The following CNKSR2 variants were observed in gnomAD, a reference collection of about 807,000 sequenced individuals.
The protein encoded by CNKSR2 is CNK homolog protein 2.
CNKSR2 carries 14 observed loss-of-function variants against 84.4 expected under a neutral mutation model. The observed-to-expected ratio is 0.17, with a 90% CI of 0.11 to 0.26. The LOEUF is 0.26. CNKSR2 is among the 10% of genes least tolerant of loss of function. CNKSR2 has a pLI of 1.00. For synonymous variants in CNKSR2, 275 were observed against 277.9 expected (o/e 0.99, Z 0.10); for missense variants, 485 against 771.2 (o/e 0.63, Z 4.40).
intron 1 of CNKSR2, among the ~76,000 whole-genome samples, chrX:21,390,515 C>G (rs1173120886): frequency 1.8e-5 from 2 of 111,053 alleles, no homozygotes; most frequent in Non-Finnish European, 3.8e-5. Context: ...GTGCCACACA[C>G]TTTGAAACAA....
chrX:21,490,734 G>T, intron 6 of CNKSR2, 156 bp downstream of exon 6: 1 of 411,220 alleles, frequency 2.4e-6, no homozygotes, highest in African/African-American at 2.5e-5. Flanking sequence ...GGAAGTTTGT[G>T]ATGCATGATA....
At chrX:21,379,185 T>G (rs1408833713) in intron 1 of CNKSR2, among the ~76,000 whole-genome samples, 1 of 113,073 alleles carries the variant, frequency 8.8e-6, no homozygotes, top group Non-Finnish European at 1.9e-5. Flanking sequence ...GCAAAGATGT[T>G]TTGACAGGTA....
At chrX:21,545,145 T>C (rs1239821512) in intron 11 of CNKSR2, among the ~76,000 whole-genome samples, 2 of 111,668 alleles carry the variant, frequency 1.8e-5, no homozygotes, top group Non-Finnish European at 3.8e-5. Flanking sequence ...GGCTTGAAAT[T>C]CTCACTGCCA....
chrX:21,451,631 A>T (rs1391574706), intron 4 of CNKSR2, among the ~76,000 whole-genome samples: 1 of 94,067 alleles, frequency 1.1e-5, no homozygotes, highest in African/African-American at 4.0e-5. Flanking sequence ...TCTCACTCAT[A>T]GGTGGGAATT....
At chrX:21,593,247 G>A (rs774930281) in intron 15 of CNKSR2, 3 of 111,569 alleles carry the variant, frequency 2.7e-5, no homozygotes, top group African/African-American at 9.8e-5. Flanking sequence ...TAAAAATACT[G>A]TCTTGTCCTT....
intron 5 of CNKSR2, among the ~76,000 whole-genome samples, chrX:21,479,842 A>G (rs753973469): frequency 1.3e-4 from 14 of 109,889 alleles, no homozygotes; most frequent in African/African-American, 4.0e-4. Context: ...TGCTGTGAGT[A>G]AGAGGTCTGG....
intron 13 of CNKSR2, among the ~76,000 whole-genome samples, chrX:21,565,280 G>A (rs1211189837): frequency 4.5e-5 from 5 of 111,621 alleles, no homozygotes; most frequent in African/African-American, 6.5e-5. Context: ...TACTGTGTGC[G>A]GAAGGAAAGT....
intron 8 of CNKSR2, chrX:21,506,488 G>T (rs1219623752): frequency 9.0e-6 from 1 of 111,544 alleles, no homozygotes; most frequent in African/African-American, 3.2e-5. Flanking sequence ...AACTGGTTTT[G>T]AAGTGATACG....
chrX:21,528,699 A>G (rs1268203223), intron 10 of CNKSR2, among the ~76,000 whole-genome samples: 1 of 111,412 alleles, frequency 9.0e-6, no homozygotes, highest in Admixed American at 9.6e-5. Context: ...TGAAAACTCC[A>G]TACTTTTCTG....
chrX:21,441,639 A>G (rs916568991), intron 4 of CNKSR2, among the ~76,000 whole-genome samples: 1 of 111,993 alleles, frequency 8.9e-6, no homozygotes, highest in African/African-American at 3.2e-5. Context: ...CGAACAGTTA[A>G]TGTTCATCTA....
intron 7 of CNKSR2, 112 bp downstream of exon 7, chrX:21,497,958 T>C: frequency 2.4e-6 from 1 of 424,231 alleles, no homozygotes; most frequent in Non-Finnish European, 4.2e-6. Context: ...CATGAACAGA[T>C]AGTAGATACA....
Position 21,609,196 on chromosome X carries a change from C to T in CNKSR2, c.2271C>T (p.Pro757=), listed in dbSNP as rs956621236. ...TAACTGGGAGCAGTGCAGTGTCTCC[C>T]ATTCGCAAGACAGCCAGTCAGCGCC... ...QEVTGSSAVS[P]IRKTASQRRS... is the part of the protein sequence containing the mutation. The change falls in exon 20 of 22, where the codon CCC becomes CCT. Residue 757 remains proline, a synonymous_variant. Transcript: ENST00000379510. The T allele has an allele frequency of 3.3e-6, 4 of 1,209,341 alleles. No homozygotes were observed. The highest frequency in any genetic ancestry group is 4.5e-6 in the Non-Finnish European group (4 of 894,768).
intron 3 of CNKSR2, among the ~76,000 whole-genome samples, chrX:21,434,719 G>A (rs1003142607): frequency 9.1e-6 from 1 of 110,360 alleles, no homozygotes; most frequent in African/African-American, 3.3e-5. Flanking sequence ...TGGAGAAAAC[G>A]TGTATCCACA....
chrX:21,473,343 T>TG (rs2091220706), intron 5 of CNKSR2, among the ~76,000 whole-genome samples: 1 of 112,237 alleles, frequency 8.9e-6, no homozygotes, highest in Non-Finnish European at 1.9e-5. Context: ...TATGTATACT[T>TG]GTATATTACT....
At chrX:21,517,267 C>G (rs1260368077) in intron 9 of CNKSR2, among the ~76,000 whole-genome samples, 1 of 110,050 alleles carries the variant, frequency 9.1e-6, no homozygotes, top group Non-Finnish European at 1.9e-5. Flanking sequence ...CGCCTGTAGT[C>G]CCAGCTATGT....
At chrX:21,512,936 C>T (rs2091689526) in intron 8 of CNKSR2, among the ~76,000 whole-genome samples, 1 of 111,614 alleles carries the variant, frequency 9.0e-6, no homozygotes, top group Admixed American at 9.5e-5. Flanking sequence ...GTAATCTTGG[C>T]CGAGAAAACA....
intron 18 of CNKSR2, among the ~76,000 whole-genome samples, chrX:21,606,004 T>C (rs1159840351): frequency 8.9e-6 from 1 of 112,225 alleles, no homozygotes; most frequent in Admixed American, 9.5e-5. Context: ...ATTCCGATTA[T>C]TAGCCCTTTT....
chrX:21,652,231 G>A, intron 21 of CNKSR2, 75 bp from the exon 22 acceptor site: 2 of 860,535 alleles, frequency 2.3e-6, no homozygotes, highest in Non-Finnish European at 3.3e-6. Context: ...TAAATGTTTT[G>A]CCTATTAACT....
chrX:21,449,766 G>A lies in CNKSR2; in HGVS notation c.519+8985G>A, dbSNP rs745507208. Reference sequence around the variant, plus strand: ...TGGTCATCATGGCAGAGGAAAAAGAGAACATGGTGAACCATGCATTGGCTC... The same window carrying A: ...TGGTCATCATGGCAGAGGAAAAAGAAAACATGGTGAACCATGCATTGGCTC... On this transcript the variant is annotated intron_variant, in intron 4 of 21. Transcript: ENST00000379510. Among the ~76,000 whole-genome samples the A allele has an allele frequency of 4.5e-5, 5 of 111,823 alleles. No homozygotes were observed. The East Asian group carries it at 1.4e-3, about 31-fold the overall frequency.
Sources: gnomAD v4.1 joint callset for allele counts (sites outside exome capture counted in the v4.1 genomes callset) on GRCh38, gnomAD v4.1.1 for gene constraint, MANE v1.5 for transcripts, NCBI Gene and HGNC (gene_info 2026-07-23, HGNC 2026-07-21) for gene names.